Variants in KCNH7 observed in about 807,000 individuals in gnomAD.
KCNH7 encodes potassium voltage-gated channel subfamily H member 7, also known as voltage-gated inwardly rectifying potassium channel KCNH7.
In KCNH7, 49 loss-of-function variants were observed where a neutral mutation model predicts 120.8. The observed-to-expected ratio is 0.41, with a 90% CI of 0.32 to 0.51. The LOEUF (loss-of-function observed/expected upper bound fraction) is 0.51, where lower values mean the gene tolerates loss of function less well. KCNH7 is among the 20% of genes least tolerant of loss of function. KCNH7 has a pLI of 0.38. For missense variants in KCNH7, 1,097 were observed against 1,446.6 expected, an observed-to-expected ratio of 0.76 and a Z score of 3.92; for synonymous variants, 547 against 516.1, an observed-to-expected ratio of 1.06 and a Z score of -0.81.
At chr2:162,652,229 A>G (rs957831463) in intron 2 of KCNH7, among the ~76,000 whole-genome samples, 1 of 152,204 alleles carries the variant, frequency 6.6e-6, no homozygotes, top group Admixed American at 6.5e-5. Flanking sequence ...ACACATTAGC[A>G]GTGTATTCTT....
At chr2:162,397,600 C>A (rs1324568435) in intron 10 of KCNH7, among the ~76,000 whole-genome samples, 1 of 151,784 alleles carries the variant, frequency 6.6e-6, no homozygotes, top group Non-Finnish European at 1.5e-5. Flanking sequence ...TTCAGTGTCT[C>A]GCTTCTAACA....
At chr2:162,741,304 GTTA>G (rs1441005559) in intron 2 of KCNH7, among the ~76,000 whole-genome samples, 6 of 148,642 alleles carry the variant, frequency 4.0e-5, no homozygotes, top group Non-Finnish European at 8.9e-5. Flanking sequence ...AATAACATAT[GTTA>G]TTAATTACAC....
intron 9 of KCNH7, 61 bp downstream of exon 9, chr2:162,423,275 C>G: frequency 6.2e-7 from 1 of 1,610,472 alleles, no homozygotes; most frequent in Non-Finnish European, 8.5e-7. Context: ...GGCTTTTATT[C>G]CATTTTGGCT....
intron 3 of KCNH7, among the ~76,000 whole-genome samples, chr2:162,520,469 A>C (rs1363572629): frequency 1.3e-5 from 2 of 151,862 alleles, no homozygotes; most frequent in African/African-American, 4.8e-5. Flanking sequence ...ATCTTTAAAA[A>C]AATTCAGAAG....
intron 2 of KCNH7, among the ~76,000 whole-genome samples, chr2:162,832,952 T>C (rs137866738): frequency 1.6e-3 from 251 of 152,232 alleles, no homozygotes; most frequent in African/African-American, 5.5e-3. Context: ...AAAAGCAGCA[T>C]GAAGATAAGA....
At chr2:162,599,856 C>T (rs1232304256) in intron 2 of KCNH7, among the ~76,000 whole-genome samples, 1 of 151,438 alleles carries the variant, frequency 6.6e-6, no homozygotes, top group African/African-American at 2.4e-5. Context: ...ATCAGTGAAG[C>T]CATGTCAACC....
chr2:162,701,747 G>A (rs147334533), intron 2 of KCNH7, among the ~76,000 whole-genome samples: 4 of 152,254 alleles, frequency 2.6e-5, no homozygotes, highest in East Asian at 3.9e-4. Context: ...AGTGGCTCAC[G>A]CCTGTCATCC....
At chr2:162,430,332 T>C (rs181998422) in intron 8 of KCNH7, among the ~76,000 whole-genome samples, 3 of 152,238 alleles carry the variant, frequency 2.0e-5, no homozygotes, top group East Asian at 1.9e-4. Context: ...TTTTACCCCA[T>C]GCATTTGTGA....
intron 8 of KCNH7, among the ~76,000 whole-genome samples, chr2:162,428,173 T>C (rs927405719): frequency 1.3e-5 from 2 of 151,298 alleles, no homozygotes; most frequent in Non-Finnish European, 2.9e-5. Flanking sequence ...TTAGGTGCCC[T>C]ATACAAATTT....
At chr2:162,530,540 T>C (rs575235450) in intron 3 of KCNH7, among the ~76,000 whole-genome samples, 34 of 151,948 alleles carry the variant, frequency 2.2e-4, no homozygotes, top group Non-Finnish European at 4.7e-4. Flanking sequence ...TAAAGGGAAA[T>C]GTCAGTTTAA....
intron 14 of KCNH7, among the ~76,000 whole-genome samples, chr2:162,375,895 T>TAA (rs1224297777): frequency 1.7e-4 from 16 of 92,154 alleles, no homozygotes; most frequent in African/African-American, 4.0e-4. Flanking sequence ...AGACCCTATC[T>TAA]AAAAAAAAAA....
chr2:162,428,765 T>C (rs1687951647), intron 8 of KCNH7, among the ~76,000 whole-genome samples: 1 of 151,922 alleles, frequency 6.6e-6, no homozygotes, highest in South Asian at 2.1e-4. Flanking sequence ...GTCTATTTTA[T>C]CTTTGGTAAT....
intron 6 of KCNH7, among the ~76,000 whole-genome samples, chr2:162,467,646 G>C (rs1216799512): frequency 6.6e-6 from 1 of 152,180 alleles, no homozygotes; most frequent in East Asian, 1.9e-4. Flanking sequence ...AAATTAACTA[G>C]GCTCAGACAT....
intron 2 of KCNH7, among the ~76,000 whole-genome samples, chr2:162,575,772 C>G (rs1332819571): frequency 1.3e-5 from 2 of 152,058 alleles, no homozygotes; most frequent in Non-Finnish European, 2.9e-5. Context: ...ACCAGAAAAA[C>G]TATAATTGCC....
At chr2:162,533,425 A>C (rs759712320) in intron 3 of KCNH7, among the ~76,000 whole-genome samples, 3 of 151,794 alleles carry the variant, frequency 2.0e-5, no homozygotes, top group Non-Finnish European at 4.4e-5. Context: ...AAAACAGCAC[A>C]CTGTATAAAA....
intron 2 of KCNH7, among the ~76,000 whole-genome samples, chr2:162,681,857 T>C (rs1390646051): frequency 6.6e-6 from 1 of 151,470 alleles, no homozygotes; most frequent in Non-Finnish European, 1.5e-5. Context: ...ATTACTTAAC[T>C]TTCCTATATG....
chr2:162,425,135 T>C (rs1354809251), intron 8 of KCNH7, among the ~76,000 whole-genome samples: 1 of 152,062 alleles, frequency 6.6e-6, no homozygotes, highest in Non-Finnish European at 1.5e-5. Flanking sequence ...CCTTTGGACT[T>C]GCGCTCCGAC....
At chr2:162,636,375 GT>G (rs1683964051) in intron 2 of KCNH7, among the ~76,000 whole-genome samples, 1 of 152,116 alleles carries the variant, frequency 6.6e-6, no homozygotes, top group African/African-American at 2.4e-5. Flanking sequence ...CTGTTGCCAA[GT>G]GCTGTCAACC....
intron 6 of KCNH7, among the ~76,000 whole-genome samples, chr2:162,473,047 A>C (rs933373720): frequency 2.0e-5 from 3 of 151,970 alleles, no homozygotes; most frequent in Non-Finnish European, 4.4e-5. Flanking sequence ...CAGGAAGGGG[A>C]ACACCACACA....
Sources: gnomAD v4.1 joint callset for allele counts (sites outside exome capture counted in the v4.1 genomes callset) on GRCh38, gnomAD v4.1.1 for gene constraint, MANE v1.5 for transcripts, NCBI Gene and HGNC (gene_info 2026-07-23, HGNC 2026-07-21) for gene names.